The following CCDC85A variants were observed in gnomAD, a reference collection of about 807,000 sequenced individuals.
The protein encoded by CCDC85A is coiled-coil domain-containing protein 85A.
In CCDC85A, 38 loss-of-function variants were observed where a neutral mutation model predicts 50.2. The observed-to-expected ratio is 0.76, with a 90% CI of 0.58 to 0.99. The LOEUF is 0.99. Among genes scored for constraint, CCDC85A ranks in the 50% least tolerant of loss-of-function variants. The probability of loss-of-function intolerance (pLI) is 0.00; values close to 1 mark genes in which losing one functional copy is unlikely to be tolerated. For synonymous variants in CCDC85A, 366 were observed against 301.4 expected, an observed-to-expected ratio of 1.21 and a Z score of -2.22; for missense variants, 820 against 742.0, an observed-to-expected ratio of 1.11 and a Z score of -1.22.
intron 2 of CCDC85A, among the ~76,000 whole-genome samples, chr2:56,297,913 A>G (rs571894351): frequency 3.3e-5 from 5 of 152,144 alleles, no homozygotes; most frequent in Non-Finnish European, 5.9e-5. Context: ...AAATGGTAGT[A>G]TCTTCCAACC....
At chr2:56,210,309 T>G (rs1201255565) in intron 2 of CCDC85A, among the ~76,000 whole-genome samples, 2 of 152,078 alleles carry the variant, frequency 1.3e-5, no homozygotes, top group Admixed American at 1.3e-4. Context: ...AGTGTCTGTT[T>G]TCTCTTGGTA....
chr2:56,283,155 G>A (rs1029826060), intron 2 of CCDC85A, among the ~76,000 whole-genome samples: 1 of 151,914 alleles, frequency 6.6e-6, no homozygotes, highest in Admixed American at 6.6e-5. Context: ...TTATTGTGTT[G>A]ATGTACATAC....
chr2:56,369,191 G>T (rs1558662656), intron 3 of CCDC85A, among the ~76,000 whole-genome samples: 1 of 152,022 alleles, frequency 6.6e-6, no homozygotes, highest in Non-Finnish European at 1.5e-5. Context: ...GTGTAAAAAA[G>T]TTAAATGGTC....
intron 3 of CCDC85A, among the ~76,000 whole-genome samples, chr2:56,367,194 C>G (rs1675837365): frequency 6.6e-6 from 1 of 152,294 alleles, no homozygotes; most frequent in South Asian, 2.1e-4. Context: ...CTCAAGAACT[C>G]TTTCCTTTGG....
At chr2:56,194,045 A>C (rs1308438336) in intron 2 of CCDC85A, among the ~76,000 whole-genome samples, 2 of 152,150 alleles carry the variant, frequency 1.3e-5, no homozygotes, top group South Asian at 2.1e-4. Flanking sequence ...ATTTCTTTGC[A>C]TCTAAAACGC....
intron 2 of CCDC85A, among the ~76,000 whole-genome samples, chr2:56,303,312 A>G (rs1445099975): frequency 6.6e-6 from 1 of 151,800 alleles, no homozygotes; most frequent in Non-Finnish European, 1.5e-5. Flanking sequence ...TTTGTGGTTA[A>G]AACTAAAAAT....
intron 3 of CCDC85A, among the ~76,000 whole-genome samples, chr2:56,362,495 A>T (rs1490966072): frequency 6.6e-6 from 1 of 152,144 alleles, no homozygotes; most frequent in Non-Finnish European, 1.5e-5. Context: ...AAAAAAAAGA[A>T]GAGCTTTGTG....
At chr2:56,372,647 A>C (rs927855421) in intron 4 of CCDC85A, among the ~76,000 whole-genome samples, 169 bp downstream of exon 4, 12 of 152,192 alleles carry the variant, frequency 7.9e-5, no homozygotes, top group African/African-American at 2.9e-4. Flanking sequence ...TTCACCTCCT[A>C]AACAGTTTTC....
intron 2 of CCDC85A, among the ~76,000 whole-genome samples, chr2:56,287,479 A>G (rs569774947): frequency 4.6e-5 from 7 of 152,316 alleles, no homozygotes; most frequent in South Asian, 2.1e-4. Flanking sequence ...CTATTGTCCA[A>G]TGTCTGAAAA....
chr2:56,356,787 A>G (rs1030511474), intron 3 of CCDC85A, among the ~76,000 whole-genome samples: 5 of 150,836 alleles, frequency 3.3e-5, no homozygotes, highest in Non-Finnish European at 5.9e-5. Flanking sequence ...ATTGAGCCCT[A>G]GGCCGGGCAC....
At chr2:56,190,550 T>C (rs1656117983) in intron 1 of CCDC85A, among the ~76,000 whole-genome samples, 2 of 152,162 alleles carry the variant, frequency 1.3e-5, no homozygotes, top group African/African-American at 2.4e-5. Context: ...AGACCATAGA[T>C]TGGGGGTGGA....
intron 2 of CCDC85A, among the ~76,000 whole-genome samples, chr2:56,255,490 T>C (rs1012579461): frequency 6.6e-6 from 1 of 151,860 alleles, no homozygotes; most frequent in Non-Finnish European, 1.5e-5. Flanking sequence ...CACAAAGATA[T>C]AGCTGGCACC....
intron 2 of CCDC85A, among the ~76,000 whole-genome samples, chr2:56,248,371 T>C (rs1025336675): frequency 6.6e-6 from 1 of 152,150 alleles, no homozygotes; most frequent in Non-Finnish European, 1.5e-5. Flanking sequence ...AGCGGTGTAC[T>C]CAGATGCTCC....
rs562932896 is a variant in CCDC85A, at chr2:56,334,794, A to C, written c.1241-8085A>C. ...CTAGGCAGAGAAGAATGAGGAAAGT[A>C]CTGCTGGCTAGGGGAATGTGTGGGC... On this transcript the variant is annotated intron_variant, in intron 2 of 5. Coordinates refer to ENST00000407595, the MANE Select transcript of CCDC85A (RefSeq NM_001080433.2). Among the ~76,000 whole-genome samples, 258 of 152,330 alleles carry C rather than the reference A, an allele frequency of 1.7e-3. 2 individuals are homozygous for C. Among genetic ancestry groups the C allele is most frequent in the African/African-American group, 6.0e-3 (251 of 41,582 alleles).
intron 2 of CCDC85A, among the ~76,000 whole-genome samples, chr2:56,275,865 G>C (rs1350194952): frequency 1.3e-5 from 2 of 152,160 alleles, no homozygotes; most frequent in Admixed American, 6.5e-5. Context: ...GGAGGCAAAA[G>C]TTCATCACGA....
chr2:56,192,449 C>A lies in CCDC85A; in HGVS notation c.277-28C>A, dbSNP rs1558575826. 6.3e-7 allele frequency: 1 copy of A among 1,581,026 alleles called. No individual in the cohort carries two copies. The highest frequency in any genetic ancestry group is 2.2e-5 in the East Asian group (1 of 44,656). ...TGCTGACACCTCAGATGTGTACTTC[C>A]CTTGAATGGTTGTGTCTCTCTTTTC... On this transcript the variant is annotated intron_variant, in intron 1 of 5. Coordinates refer to ENST00000407595, the MANE Select transcript of CCDC85A (RefSeq NM_001080433.2). The surrounding 1 kb of genome is among the most constrained non-coding windows in gnomAD (Gnocchi z 4.7).
chr2:56,270,105 A>G (rs1670634140), intron 2 of CCDC85A, among the ~76,000 whole-genome samples: 1 of 152,150 alleles, frequency 6.6e-6, no homozygotes, highest in African/African-American at 2.4e-5. Flanking sequence ...GTGGGTGAAC[A>G]TATATATGTG....
intron 2 of CCDC85A, among the ~76,000 whole-genome samples, chr2:56,320,617 A>AT (rs914949187): frequency 2.0e-5 from 3 of 152,188 alleles, no homozygotes; most frequent in African/African-American, 7.2e-5. Flanking sequence ...GAAGAGACCA[A>AT]TAACAGGCTC....
intron 3 of CCDC85A, among the ~76,000 whole-genome samples, chr2:56,343,611 T>A (rs1415386840): frequency 6.6e-6 from 1 of 152,218 alleles, no homozygotes; most frequent in African/African-American, 2.4e-5. Flanking sequence ...GGAGGTGGTT[T>A]TCAGAAAATG....
Sources: allele counts gnomAD v4.1 joint callset (sites outside exome capture counted in the v4.1 genomes callset), GRCh38; gene constraint gnomAD v4.1.1; non-coding constraint Gnocchi (gnomAD v3.1); transcripts MANE v1.5; gene names NCBI Gene and HGNC (gene_info 2026-07-23, HGNC 2026-07-21).